The following KCNT1 variants were observed in gnomAD, a reference collection of about 807,000 sequenced individuals.
KCNT1 encodes the protein potassium channel subfamily T member 1.
A neutral mutation model predicts 147.8 loss-of-function variants in KCNT1; 78 were observed. The ratio of observed to expected loss-of-function variants is 0.53; its 90% CI spans 0.44 to 0.64. The LOEUF (loss-of-function observed/expected upper bound fraction) is 0.64, where lower values mean the gene tolerates loss of function less well. Among genes scored for constraint, KCNT1 ranks in the 30% least tolerant of loss-of-function variants. The pLI, the probability that KCNT1 is intolerant of heterozygous loss-of-function variation, is 0.00. For synonymous variants in KCNT1, 867 were observed against 748.8 expected (o/e 1.16, Z -2.58); for missense variants, 1,419 against 1,750.3 (o/e 0.81, Z 3.38).
intron 13 of KCNT1, among the ~76,000 whole-genome samples, chr9:135,768,275 G>A (rs1318724189): frequency 1.5e-5 from 1 of 68,244 alleles, no homozygotes; most frequent in Non-Finnish European, 3.3e-5. Flanking sequence ...ATACCGGTGG[G>A]GGGGGCACAG....
chr9:135,707,154 A>T (rs796532630), intron 1 of KCNT1, among the ~76,000 whole-genome samples: 31 of 151,938 alleles, frequency 2.0e-4, no homozygotes, highest in African/African-American at 7.5e-4. Context: ...TTAAGATCAG[A>T]TAAGGCCCGG....
chr9:135,754,721 G>A (rs1018882715), intron 5 of KCNT1, among the ~76,000 whole-genome samples: 8 of 152,246 alleles, frequency 5.3e-5, no homozygotes, highest in African/African-American at 7.2e-5. Flanking sequence ...ATGGGAGCCC[G>A]GCTTCAGGGA....
intron 1 of KCNT1, 94 bp downstream of exon 1, chr9:135,702,462 G>A (rs1378064806): frequency 2.9e-5 from 30 of 1,045,200 alleles, no homozygotes; most frequent in East Asian, 7.7e-5. Flanking sequence ...TCCAGGACCC[G>A]CCATTCCCAG....
chr9:135,774,474 G>A (rs922710817), intron 19 of KCNT1, among the ~76,000 whole-genome samples: 4 of 149,560 alleles, frequency 2.7e-5, no homozygotes, highest in South Asian at 4.2e-4. Flanking sequence ...GTCCGTGTGT[G>A]GTACGTGTTG....
intron 6 of KCNT1, among the ~76,000 whole-genome samples, chr9:135,755,575 A>T (rs976967913): frequency 2.7e-5 from 4 of 148,032 alleles, no homozygotes; most frequent in Admixed American, 2.7e-4. Flanking sequence ...AGCACTGGGG[A>T]CAAACTCAGG....
intron 1 of KCNT1, among the ~76,000 whole-genome samples, chr9:135,703,954 AGCCGCCG>A (rs1835141923): frequency 6.6e-6 from 1 of 152,200 alleles, no homozygotes; most frequent in African/African-American, 2.4e-5. Context: ...CAGGCAGAGC[AGCCGCCG>A]GCAGTGGAGG....
intron 2 of KCNT1, among the ~76,000 whole-genome samples, chr9:135,739,296 T>C (rs909038850): frequency 4.6e-5 from 7 of 151,966 alleles, no homozygotes; most frequent in Non-Finnish European, 8.8e-5. Context: ...TCTAGCGTGG[T>C]CCAGTTCTCC....
intron 19 of KCNT1, 41 bp from the exon 20 acceptor site, chr9:135,775,269 C>T: frequency 6.6e-7 from 1 of 1,506,194 alleles, no homozygotes; most frequent in Non-Finnish European, 9.1e-7. Context: ...ACCCAGCCAC[C>T]TCTGTGCAGC....
In KCNT1 at chr9:135,765,044, T is replaced by A. The variant is rs1329791962; in HGVS notation, c.1049T>A (p.Val350Asp). 2 of 1,609,090 alleles carry A rather than the reference T, an allele frequency of 1.2e-6. No homozygotes were observed. The highest frequency in any genetic ancestry group is 1.7e-6 in the Non-Finnish European group (2 of 1,176,466). The part of the protein sequence containing the change: ...VVLPLQFEEL[V>D]YLWMERQKSG... ...TCTCACCTGCAGTTCGAGGAGCTCG[T>A]CTACCTCTGGATGGAGCGGCAGAAG... Residue 350 changes from valine to aspartate, a missense_variant, in exon 12 of 31, where the codon GTC (valine) becomes GAC (aspartate). This residue lies in a region of KCNT1 where 401 missense variants were observed against 610.6 expected (regional missense o/e 0.66). Transcript: ENST00000371757.
chr9:135,704,700 G>A (rs1377629081), intron 1 of KCNT1, among the ~76,000 whole-genome samples: 1 of 152,212 alleles, frequency 6.6e-6, no homozygotes, highest in African/African-American at 2.4e-5. Context: ...GCGGGCCTGG[G>A]ACCCTCTAGG....
chr9:135,753,696 G>C (rs944717956), intron 4 of KCNT1: 5 of 584,222 alleles, frequency 8.6e-6, no homozygotes, highest in Non-Finnish European at 1.5e-5. Flanking sequence ...TGCCTGCTGG[G>C]CTGAGCAGTG....
At chr9:135,751,823 G>A (rs1483206426) in intron 4 of KCNT1, among the ~76,000 whole-genome samples, 1 of 152,132 alleles carries the variant, frequency 6.6e-6, no homozygotes, top group African/African-American at 2.4e-5. Context: ...TGGCTCCCTG[G>A]CACTCGGATG....
Position 135,784,543 on chromosome 9 carries a change from G to A in KCNT1, c.2952G>A (p.Val984=). 3.0e-6 allele frequency: 4 copies of A among 1,328,158 alleles called. No homozygotes were observed. The highest frequency in any genetic ancestry group is 4.0e-6 in the Non-Finnish European group (4 of 1,009,138). The allele number at this position is 1,328,158 out of a possible 1,614,324, so 82.3% of individuals were successfully genotyped here. A position where few individuals can be genotyped will look rare whatever the true frequency, so the allele number is the denominator to read the frequency against. The change falls in exon 26 of 31, where the codon GTG becomes GTA. Residue 984 remains valine (V), a synonymous_variant. Coordinates refer to ENST00000371757, the MANE Select transcript of KCNT1 (RefSeq NM_020822.3). ...MLDTLLYQSF[V]KDYMITITRL... ...CCTCCCTCCCTGGCCAGTCCTTCGT[G>A]AAGGACTACATGATCACCATCACCC...
In KCNT1 at chr9:135,714,657, T is replaced by C; in HGVS notation, c.191T>C (p.Leu64Ser). ...GACCTGGACTCCGAGGTGCTGCCCTTGCCGCCGCGCTACCGCTTCCGGGAC... is the reference window on the plus strand; with the variant it reads ...GACCTGGACTCCGAGGTGCTGCCCTCGCCGCCGCGCTACCGCTTCCGGGAC... ...MSDLDSEVLPLPPRYRFRDLL... is the reference protein window; with the variant it reads ...MSDLDSEVLPSPPRYRFRDLL... Residue 64 changes from leucine to serine, a missense_variant, in exon 2 of 31, where the codon TTG becomes TCG. Physicochemically the swap from Leu to Ser is moderately radical, Grantham distance 145. Around this residue, in one of 5 missense-constraint regions of KCNT1, gnomAD observed 181 missense variants for 155.7 expected, o/e 1.16. Transcript: ENST00000371757. The surrounding 1 kb of genome is among the most constrained non-coding windows in gnomAD (Gnocchi z 6.2). 1 of 1,484,768 alleles carries C rather than the reference T, an allele frequency of 6.7e-7. No individual in the cohort carries two copies. 92.0% of individuals were successfully genotyped at this position (1,484,768 alleles called of 1,614,324 possible).
Position 135,714,312 on chromosome 9 carries a change from C to T in KCNT1, c.111-265C>T, listed in dbSNP as rs1835625812. ...ATGACAGCTCCCGTCCCCCTTACCTCCTGCCAGGCCCCGGGGCCGCTTTGG... is the reference window on the plus strand; with the variant it reads ...ATGACAGCTCCCGTCCCCCTTACCTTCTGCCAGGCCCCGGGGCCGCTTTGG... On this transcript the variant is annotated intron_variant, in intron 1 of 30. Transcript: ENST00000371757. This position sits in a 1 kb window ranked among gnomAD's most constrained non-coding sequence, Gnocchi z 6.2. 1 of 151,966 alleles carries T rather than the reference C, an allele frequency of 6.6e-6. No individual in the cohort carries two copies. Among genetic ancestry groups the T allele is most frequent in the South Asian group, 2.1e-4 (1 of 4,842 alleles). The allele number at this position is 151,966 out of a possible 1,614,324, so 9.4% of individuals were successfully genotyped here.
At position 135,731,661 on chromosome 9, in the gene KCNT1, C is replaced by T. The variant is rs186188809; in HGVS notation, c.254+16941C>T. On this transcript the variant is annotated intron_variant, in intron 2 of 30. Coordinates refer to ENST00000371757, the MANE Select transcript of KCNT1 (RefSeq NM_020822.3). ...TCTCTAGACTCGAGTGACATTTTGG[C>T]TGGGTATAATAGTCCTAGACCTCAT... 4.6e-3 allele frequency among the ~76,000 whole-genome samples: 700 copies of T among 152,112 alleles called. 3 individuals carry two copies. The highest frequency in any genetic ancestry group is 8.2e-3 in the Non-Finnish European group (556 of 68,012).
At chr9:135,769,464 G>GA (rs908230121) in intron 15 of KCNT1, among the ~76,000 whole-genome samples, 13 of 152,190 alleles carry the variant, frequency 8.5e-5, no homozygotes, top group African/African-American at 2.9e-4. Context: ...CCGCATCCGA[G>GA]AAGGGACCTA....
In KCNT1 at chr9:135,734,920, G is replaced by A. The variant is rs556901932; in HGVS notation, c.255-15178G>A. Among the ~76,000 whole-genome samples, 355 of 152,290 alleles carry A rather than the reference G, an allele frequency of 2.3e-3. 2 individuals are homozygous for A. The highest frequency in any genetic ancestry group is 6.8e-3 in the Middle Eastern group (2 of 294). On this transcript the variant is annotated intron_variant, in intron 2 of 30. Coordinates refer to ENST00000371757, the MANE Select transcript of KCNT1 (RefSeq NM_020822.3). ...CGCGGTGAAGGGCCCTGCAGGCGGCGCCCAGGGGTGGTGCGGGGCTCCGCC... is the reference window on the plus strand; with the variant it reads ...CGCGGTGAAGGGCCCTGCAGGCGGCACCCAGGGGTGGTGCGGGGCTCCGCC...
chr9:135,755,019 T>G (rs1242016289), intron 5 of KCNT1, 102 bp from the exon 6 acceptor site: 1 of 1,055,288 alleles, frequency 9.5e-7, no homozygotes, highest in Non-Finnish European at 1.3e-6. Context: ...CAGCACATGC[T>G]TGGGGCCAGT....
Sources: allele counts gnomAD v4.1 joint callset (sites outside exome capture counted in the v4.1 genomes callset), GRCh38; gene constraint gnomAD v4.1.1; regional missense constraint gnomAD v4.1.1; non-coding constraint Gnocchi (gnomAD v3.1); transcripts MANE v1.5; gene names NCBI Gene and HGNC (gene_info 2026-07-23, HGNC 2026-07-21).